Variants in SNTG2 observed in about 807,000 individuals in gnomAD.
SNTG2 encodes the protein syntrophin gamma 2.
SNTG2 carries 74 observed loss-of-function variants against 70.9 expected under a neutral mutation model. The ratio of observed to expected loss-of-function variants is 1.04; its 90% CI spans 0.86 to 1.27. The LOEUF (loss-of-function observed/expected upper bound fraction) is 1.27. Among genes scored for constraint, SNTG2 ranks in the 50% most tolerant of loss-of-function variants. The pLI is 0.00. For missense variants in SNTG2, 717 were observed against 690.7 expected, an observed-to-expected ratio of 1.04 and a Z score of -0.43; for synonymous variants, 278 against 273.8, an observed-to-expected ratio of 1.02 and a Z score of -0.15.
intron 16 of SNTG2, among the ~76,000 whole-genome samples, chr2:1,347,092 A>G (rs1428332616): frequency 1.8e-3 from 19 of 10,642 alleles, no homozygotes; most frequent in African/African-American, 0.012. Context: ...GGAAAGAGGA[A>G]AAAAAAAGGT....
intron 15 of SNTG2, among the ~76,000 whole-genome samples, chr2:1,316,039 G>C (rs534609904): frequency 6.6e-6 from 1 of 152,300 alleles, no homozygotes; most frequent in South Asian, 2.1e-4. Flanking sequence ...GCAGCTACTG[G>C]AGGCTGGACT....
chr2:1,365,866 A>C (rs551953604), intron 16 of SNTG2, among the ~76,000 whole-genome samples: 1 of 152,326 alleles, frequency 6.6e-6, no homozygotes, highest in Admixed American at 6.5e-5. Context: ...AGTTATAAAG[A>C]AAAGCAGCTC....
At chr2:952,856 G>C (rs1660021488) in intron 1 of SNTG2, among the ~76,000 whole-genome samples, 1 of 152,134 alleles carries the variant, frequency 6.6e-6, no homozygotes, top group Non-Finnish European at 1.5e-5. Flanking sequence ...GGTTTGTCTT[G>C]AAAACATGAA....
intron 4 of SNTG2, among the ~76,000 whole-genome samples, chr2:1,135,086 C>G (rs369739796): frequency 4.6e-5 from 7 of 152,146 alleles, no homozygotes; most frequent in Non-Finnish European, 4.4e-5. Context: ...TCAGCACTGC[C>G]CTATGTGCGT....
intron 1 of SNTG2, among the ~76,000 whole-genome samples, chr2:1,007,970 G>T (rs573955734): frequency 1.2e-4 from 18 of 152,086 alleles, no homozygotes; most frequent in Non-Finnish European, 2.2e-4. Flanking sequence ...GGCCAGGCTG[G>T]TATTGAACTC....
At position 1,165,674 on chromosome 2, in the gene SNTG2, A is replaced by G. The variant is rs377199341; in HGVS notation, c.499+39A>G. 3.3e-6 allele frequency: 5 copies of G among 1,530,566 alleles called. No individual in the cohort carries two copies. The African/African-American group carries it at 4.1e-5, about 13-fold the overall frequency. 94.8% of individuals were successfully genotyped at this position (1,530,566 alleles called of 1,614,324 possible). ...GGAGAAATGCCAGGGTGCTGGAGAAATTCCTTTCTTGCCACATTATTTATC... is the reference window on the plus strand; with the variant it reads ...GGAGAAATGCCAGGGTGCTGGAGAAGTTCCTTTCTTGCCACATTATTTATC... On this transcript the variant is annotated intron_variant, in intron 7 of 16. Transcript: ENST00000308624.
At chr2:1,094,954 G>T (rs1423077725) in intron 2 of SNTG2, among the ~76,000 whole-genome samples, 5 of 147,010 alleles carry the variant, frequency 3.4e-5, no homozygotes, top group Non-Finnish European at 7.5e-5. Flanking sequence ...AGGCCTTATA[G>T]GTGTGTCCTC....
chr2:1,130,235 T>C (rs62107444), intron 4 of SNTG2, among the ~76,000 whole-genome samples: 6,197 of 152,310 alleles, frequency 0.041, 239 homozygotes, highest in South Asian at 0.19. Flanking sequence ...ATAGATGACA[T>C]TCTTTGGAGC....
In SNTG2 at chr2:1,178,771, T is replaced by G. The variant is rs1163018978; in HGVS notation, c.591+5588T>G. Among the ~76,000 whole-genome samples the G allele has an allele frequency of 7.9e-5, 12 of 152,304 alleles. No individual in the cohort carries two copies. The South Asian group carries it at 1.7e-3, about 21-fold the overall frequency. ...ATATTGGTCTAAAATTCTCTTTTTT[T>G]GTTGTGTCTCTGCCAGGCTTTGGTA... On this transcript the variant is annotated intron_variant, in intron 8 of 16. Transcript: ENST00000308624.
intron 1 of SNTG2, among the ~76,000 whole-genome samples, chr2:959,138 G>A (rs948890576): frequency 6.0e-4 from 92 of 152,070 alleles, no homozygotes; most frequent in South Asian, 3.7e-3. Context: ...GAATAATATT[G>A]TAAATTTAGT....
intron 6 of SNTG2, among the ~76,000 whole-genome samples, chr2:1,155,126 C>T (rs1344919183): frequency 7.0e-6 from 1 of 142,374 alleles, no homozygotes; most frequent in Non-Finnish European, 1.5e-5. Flanking sequence ...CATATACATA[C>T]AACACAAACA....
rs564832750 is a variant in SNTG2, at chr2:1,099,387, T to G, written c.325+977T>G. ...CCTGGCTGTGTCCCTGGAGGGGACA[T>G]GCTTCTCTCCACGCTCCACCAGAAA... On this transcript the variant is annotated intron_variant, in intron 4 of 16. Transcript: ENST00000308624. 5.3e-5 allele frequency among the ~76,000 whole-genome samples: 8 copies of G among 152,332 alleles called. 1 individual carries two copies. The South Asian group carries it at 6.2e-4, about 12-fold the overall frequency.
chr2:1,219,116 A>G (rs2148017730), intron 9 of SNTG2, among the ~76,000 whole-genome samples: 1 of 152,228 alleles, frequency 6.6e-6, no homozygotes, highest in Non-Finnish European at 1.5e-5. Context: ...TACTGTTGTG[A>G]TAGTGAGTGA....
intron 1 of SNTG2, among the ~76,000 whole-genome samples, chr2:1,073,970 G>C (rs946763783): frequency 2.0e-5 from 3 of 152,056 alleles, no homozygotes; most frequent in Non-Finnish European, 2.9e-5. Context: ...TTTTTCTTTA[G>C]CTCGTATGTG....
At chr2:1,022,290 G>A (rs1163599324) in intron 1 of SNTG2, among the ~76,000 whole-genome samples, 2 of 151,830 alleles carry the variant, frequency 1.3e-5, no homozygotes, top group African/African-American at 2.4e-5. Context: ...TTGTTTTTGT[G>A]AGCCCCTGTG....
intron 8 of SNTG2, among the ~76,000 whole-genome samples, chr2:1,198,940 T>C (rs1442803284): frequency 6.6e-6 from 1 of 152,076 alleles, no homozygotes; most frequent in Admixed American, 6.5e-5. Flanking sequence ...TAATTCTGAA[T>C]TCTTTCAAAC....
At chr2:1,056,954 TGGG>T (rs1662491192) in intron 1 of SNTG2, among the ~76,000 whole-genome samples, 1 of 184 alleles carries the variant, frequency 5.4e-3, no homozygotes, top group Admixed American at 0.071. Context: ...CGCCCCGCTG[TGGG>T]GAGGGAGGGA....
chr2:1,044,368 T>G (rs1437176631), intron 1 of SNTG2, among the ~76,000 whole-genome samples: 3 of 152,032 alleles, frequency 2.0e-5, no homozygotes, highest in Admixed American at 6.6e-5. Context: ...AGGTTGACTC[T>G]TGGAAGCCTT....
intron 4 of SNTG2, among the ~76,000 whole-genome samples, chr2:1,113,957 T>G (rs1666723972): frequency 6.6e-6 from 1 of 151,638 alleles, no homozygotes; most frequent in Non-Finnish European, 1.5e-5. Flanking sequence ...AAGTGAAGTT[T>G]AACCCTTACA....
Sources: allele counts gnomAD v4.1 joint callset (sites outside exome capture counted in the v4.1 genomes callset), GRCh38; gene constraint gnomAD v4.1.1; transcripts MANE v1.5; gene names NCBI Gene and HGNC (gene_info 2026-07-23, HGNC 2026-07-21).